The following UHRF2 variants were observed in gnomAD, a reference collection of about 807,000 sequenced individuals.
UHRF2 encodes E3 ubiquitin-protein ligase UHRF2.
A neutral mutation model predicts 96.8 loss-of-function variants in UHRF2; 23 were observed. That is an observed-to-expected ratio of 0.24 (90% CI 0.17 to 0.34). The LOEUF is 0.34. Among genes scored for constraint, UHRF2 ranks in the 10% least tolerant of loss-of-function variants. UHRF2 has a pLI of 1.00. For missense variants in UHRF2, 685 were observed against 981.5 expected (o/e 0.70, Z 4.04); for synonymous variants, 385 against 332.6 (o/e 1.16, Z -1.72).
At chr9:6,493,048 A>G (rs944492213) in intron 9 of UHRF2, among the ~76,000 whole-genome samples, 1 of 152,202 alleles carries the variant, frequency 6.6e-6, no homozygotes, top group Non-Finnish European at 1.5e-5. Flanking sequence ...CTGTAATCCC[A>G]GCACTTTGGG....
intron 5 of UHRF2, among the ~76,000 whole-genome samples, chr9:6,476,787 G>A (rs1156577902): frequency 1.3e-5 from 2 of 152,030 alleles, no homozygotes; most frequent in African/African-American, 4.8e-5. Flanking sequence ...CAGGGACGGG[G>A]TTTCACTGTG....
At chr9:6,426,095 A>G (rs944335940) in intron 2 of UHRF2, among the ~76,000 whole-genome samples, 1 of 152,188 alleles carries the variant, frequency 6.6e-6, no homozygotes, top group African/African-American at 2.4e-5. Context: ...GTCAACTTAA[A>G]TTTCTGTTTA....
intron 3 of UHRF2, among the ~76,000 whole-genome samples, chr9:6,458,515 G>C (rs1587823805): frequency 1.3e-5 from 2 of 150,522 alleles, no homozygotes; most frequent in East Asian, 3.9e-4. Flanking sequence ...TCTCATCTTA[G>C]TTATTTCTTG....
At chr9:6,491,161 T>C (rs1824632628) in intron 9 of UHRF2, among the ~76,000 whole-genome samples, 1 of 152,218 alleles carries the variant, frequency 6.6e-6, no homozygotes, top group Non-Finnish European at 1.5e-5. Context: ...CCCACAAAGA[T>C]GACCTCTCAG....
intron 3 of UHRF2, among the ~76,000 whole-genome samples, chr9:6,456,896 C>A (rs1456274466): frequency 1.3e-5 from 2 of 152,130 alleles, no homozygotes; most frequent in South Asian, 2.1e-4. Flanking sequence ...GTCTACATGT[C>A]TGTTTTGGTT....
At chr9:6,429,119 C>T (rs935693977) in intron 2 of UHRF2, among the ~76,000 whole-genome samples, 2 of 151,572 alleles carry the variant, frequency 1.3e-5, no homozygotes, top group Admixed American at 6.6e-5. Context: ...GAGCCAACAT[C>T]GCACCACTGC....
At chr9:6,418,981 C>G (rs1036852070) in intron 1 of UHRF2, among the ~76,000 whole-genome samples, 3 of 152,126 alleles carry the variant, frequency 2.0e-5, no homozygotes, top group Non-Finnish European at 4.4e-5. Context: ...ACATGGCTGC[C>G]TTTTTCCTGT....
intron 14 of UHRF2, chr9:6,504,218 G>C (rs780799407): frequency 6.4e-6 from 1 of 155,168 alleles, no homozygotes; most frequent in African/African-American, 2.4e-5. Context: ...GTAGCGATGG[G>C]GTTTCACTGT....
intron 4 of UHRF2, among the ~76,000 whole-genome samples, chr9:6,461,303 TTTC>T (rs1266699152): frequency 1.3e-5 from 2 of 152,064 alleles, no homozygotes; most frequent in African/African-American, 4.8e-5. Context: ...CTATCATTTC[TTTC>T]TTTTCTTTTT....
At chr9:6,446,759 C>G (rs192660359) in intron 3 of UHRF2, among the ~76,000 whole-genome samples, 1 of 151,608 alleles carries the variant, frequency 6.6e-6, no homozygotes, top group Non-Finnish European at 1.5e-5. Flanking sequence ...GCAGGAGAAT[C>G]ACTTGAACCC....
chr9:6,479,151 T>C (rs1823771768), intron 6 of UHRF2, among the ~76,000 whole-genome samples: 3 of 152,136 alleles, frequency 2.0e-5, no homozygotes, highest in South Asian at 4.1e-4. Context: ...GCCTACCCCG[T>C]TCTCTGCTTC....
intron 14 of UHRF2, among the ~76,000 whole-genome samples, chr9:6,502,503 ATC>A (rs1816350248): frequency 2.6e-5 from 4 of 152,208 alleles, no homozygotes; most frequent in Admixed American, 2.6e-4. Flanking sequence ...GCCCAGACTG[ATC>A]TCAAACACCT....
chr9:6,486,506 A>G (rs1824298204), intron 8 of UHRF2, among the ~76,000 whole-genome samples: 1 of 152,248 alleles, frequency 6.6e-6, no homozygotes, highest in Non-Finnish European at 1.5e-5. Flanking sequence ...TTGAGCTGGA[A>G]GTTCCAATAG....
intron 4 of UHRF2, among the ~76,000 whole-genome samples, chr9:6,469,709 T>TATAC (rs1823112312): frequency 6.6e-6 from 1 of 150,438 alleles, no homozygotes; most frequent in Non-Finnish European, 1.5e-5. Context: ...TACATACATA[T>TATAC]ACACACATAT....
intron 6 of UHRF2, among the ~76,000 whole-genome samples, chr9:6,480,854 C>G (rs772368825): frequency 2.0e-5 from 3 of 152,148 alleles, no homozygotes; most frequent in Admixed American, 6.5e-5. Context: ...AACAAAGTAT[C>G]TCATAATTGG....
chr9:6,462,061 TA>T lies in UHRF2; in HGVS notation c.863+1271del, dbSNP rs1319587637. On this transcript the variant is annotated intron_variant, in intron 4 of 15. Transcript: ENST00000276893. ...TGTGTCAAGTTCTGATTAACTGGAT[TA>T]GTGATACAAGGTGACAAATCTTGGA... is the stretch of plus-strand genomic sequence containing the variant. Among the ~76,000 whole-genome samples the T allele has an allele frequency of 2.0e-5, 3 of 152,096 alleles. No homozygotes were observed. The East Asian group carries it at 5.8e-4, about 29-fold the overall frequency.
intron 3 of UHRF2, among the ~76,000 whole-genome samples, chr9:6,451,137 A>G (rs182633792): frequency 2.0e-5 from 3 of 152,318 alleles, no homozygotes; most frequent in Non-Finnish European, 2.9e-5. Context: ...TCAGACTAAC[A>G]ATACTTTCAT....
intron 3 of UHRF2, among the ~76,000 whole-genome samples, chr9:6,455,445 C>A (rs559438): frequency 0.97 from 148,333 of 152,276 alleles, 72,375 homozygotes; most frequent in East Asian, 1. Context: ...AGCTTCATCC[C>A]TGTCCCTACA....
At position 6,439,989 on chromosome 9, in the gene UHRF2, A is replaced by G. The variant is rs577120327; in HGVS notation, c.644+5816A>G. 7.9e-5 allele frequency among the ~76,000 whole-genome samples: 12 copies of G among 152,346 alleles called. No individual in the cohort carries two copies. In the East Asian group the frequency reaches 9.6e-4, roughly 12 times the overall value. On this transcript the variant is annotated intron_variant, in intron 3 of 15. Transcript: ENST00000276893. ...ACATCAAATTTTCTTGTTTCATTTTAGTAAGTGTGTACTGTTCAGTTGTAT... is the reference window on the plus strand; with the variant it reads ...ACATCAAATTTTCTTGTTTCATTTTGGTAAGTGTGTACTGTTCAGTTGTAT...
Sources: gnomAD v4.1 joint callset for allele counts (sites outside exome capture counted in the v4.1 genomes callset) on GRCh38, gnomAD v4.1.1 for gene constraint, MANE v1.5 for transcripts, NCBI Gene and HGNC (gene_info 2026-07-23, HGNC 2026-07-21) for gene names.